BIN1: variants seen among roughly 807,000 people sequenced by gnomAD.
BIN1 encodes myc box-dependent-interacting protein 1.
A neutral mutation model predicts 82.0 loss-of-function variants in BIN1; 53 were observed. That is an observed-to-expected ratio of 0.65 (90% CI 0.52 to 0.81). The LOEUF is 0.81. BIN1 is among the 40% of genes least tolerant of loss of function. The probability of loss-of-function intolerance (pLI) is 0.00; values close to 1 mark genes in which losing one functional copy is unlikely to be tolerated. For synonymous variants in BIN1, 302 were observed against 328.0 expected, an observed-to-expected ratio of 0.92 and a Z score of 0.86; for missense variants, 642 against 784.4, an observed-to-expected ratio of 0.82 and a Z score of 2.17.
chr2:127,081,164 G>A (rs962300285), intron 1 of BIN1, among the ~76,000 whole-genome samples: 3 of 152,180 alleles, frequency 2.0e-5, no homozygotes, highest in Admixed American at 6.5e-5. Flanking sequence ...GGCAGTGCAC[G>A]GCCACCGAAC....
At chr2:127,105,986 C>A (rs1257992316) in intron 1 of BIN1, among the ~76,000 whole-genome samples, 1 of 152,376 alleles carries the variant, frequency 6.6e-6, no homozygotes, top group East Asian at 1.9e-4. Context: ...CGGGTGCAGA[C>A]CCCCGCCCCT....
chr2:127,048,444 GAAAAC>G lies in BIN1; in HGVS notation c.*77_*81del. On this transcript the variant is annotated 3_prime_UTR_variant, in exon 19 of 19. Transcript: ENST00000316724. Reference sequence around the variant, plus strand: ...CTTTGCTCTTCAAAAGATGAAAAACGAAAACAAAACAAAAAAAAGAACCACACATT... The same window carrying G: ...CTTTGCTCTTCAAAAGATGAAAAACGAAAACAAAAAAAAGAACCACACATT... The G allele has an allele frequency of 7.2e-7, 1 of 1,384,960 alleles. No homozygotes were observed. Among genetic ancestry groups the G allele is most frequent in the Non-Finnish European group, 1.0e-6 (1 of 978,088 alleles). The allele number at this position is 1,384,960 out of a possible 1,614,324, so 85.8% of individuals were successfully genotyped here. A position where few individuals can be genotyped will look rare whatever the true frequency, so the allele number is the denominator to read the frequency against.
At chr2:127,081,864 C>T in intron 1 of BIN1, 1 of 1,287,490 alleles carries the variant, frequency 7.8e-7, no homozygotes, top group Non-Finnish European at 1.0e-6. Context: ...CCTGCCTGCA[C>T]AGGAAGGGCG....
rs1685336812 is a variant in BIN1, at chr2:127,067,794, A to G, written c.612+369T>C. ...AGAGTTGTCATGTGGCTTGAAGGAC[A>G]GGCATGGCAGTACAGGGGCCTGATG... is the stretch of plus-strand genomic sequence containing the variant. On this transcript the variant is annotated intron_variant, in intron 7 of 18. Coordinates refer to ENST00000316724, the MANE Select transcript of BIN1 (RefSeq NM_139343.3). This position sits in a 1 kb window ranked among gnomAD's most constrained non-coding sequence, Gnocchi z 4.7. Among the ~76,000 whole-genome samples, 2 of 152,192 alleles carry G rather than the reference A, an allele frequency of 1.3e-5. No individual in the cohort carries two copies. The highest frequency in any genetic ancestry group is 1.5e-5 in the Non-Finnish European group (1 of 68,030).
intron 1 of BIN1, among the ~76,000 whole-genome samples, chr2:127,083,078 CTTTTTTTTT>C (rs112344101): frequency 7.0e-6 from 1 of 142,876 alleles, no homozygotes; most frequent in Non-Finnish European, 1.5e-5. Flanking sequence ...TTGCTTTTTT[CTTTTTTTTT>C]TTTTCTTTTT....
At chr2:127,069,470 G>A (rs563970430) in intron 5 of BIN1, among the ~76,000 whole-genome samples, 9 of 152,226 alleles carry the variant, frequency 5.9e-5, no homozygotes, top group South Asian at 2.1e-4. Context: ...GCACGTTACC[G>A]GGGACCACTC....
chr2:127,095,704 G>A (rs1363544933), intron 1 of BIN1, among the ~76,000 whole-genome samples: 1 of 152,236 alleles, frequency 6.6e-6, no homozygotes, highest in South Asian at 2.1e-4. Flanking sequence ...CAAGAGGAAG[G>A]GAATCCCAGA....
rs575178292 is a variant in BIN1 at position 127,054,247 on chromosome 2, C to T, written c.1132-235G>A. 8.0e-4 allele frequency: 452 copies of T among 567,298 alleles called. 4 individuals carry two copies. In the South Asian group the frequency reaches 8.4e-3, roughly 11 times the overall value. 35.1% of individuals were successfully genotyped at this position (567,298 alleles called of 1,614,324 possible). The stretch of plus-strand genomic sequence containing the variant: ...AGCCACGCGCCCCGGCACAGGCTCC[C>T]GCCCACACCAGGAGGACGACCCCAG... On this transcript the variant is annotated intron_variant, in intron 12 of 18. Coordinates refer to ENST00000316724, the MANE Select transcript of BIN1 (RefSeq NM_139343.3).
At chr2:127,098,372 C>T (rs1429794801) in intron 1 of BIN1, among the ~76,000 whole-genome samples, 1 of 152,140 alleles carries the variant, frequency 6.6e-6, no homozygotes, top group Non-Finnish European at 1.5e-5. Context: ...CGTAACAATC[C>T]GGGCTCAGCC....
rs1167444029 is a variant in BIN1, at chr2:127,051,294, G to A, written c.1372-51C>T. On this transcript the variant is annotated intron_variant, in intron 15 of 18. Coordinates refer to ENST00000316724, the MANE Select transcript of BIN1 (RefSeq NM_139343.3). Reference sequence around the variant, plus strand: ...TCAGACACAGGACAGGACACAGCCAGGACACAGGAAACAGGCCACAGGAGG... The same window carrying A: ...TCAGACACAGGACAGGACACAGCCAAGACACAGGAAACAGGCCACAGGAGG... 3 of 1,593,924 alleles carry A rather than the reference G, an allele frequency of 1.9e-6. No homozygotes were observed. In the East Asian group the frequency reaches 6.7e-5, roughly 36 times the overall value.
chr2:127,087,336 AGAGAAC>A (rs1368568070), intron 1 of BIN1, among the ~76,000 whole-genome samples: 1 of 152,182 alleles, frequency 6.6e-6, no homozygotes, highest in Non-Finnish European at 1.5e-5. Context: ...CTCCCGCCCC[AGAGAAC>A]GAGTGTCCAG....
chr2:127,059,167 G>T lies in BIN1; in HGVS notation c.858-12C>A, dbSNP rs6720741. 302,272 of 1,564,704 alleles carry T rather than the reference G, an allele frequency of 0.19. 29,872 individuals carry two copies. Among genetic ancestry groups the T allele is most frequent in the African/African-American group, 0.25 (18,311 of 73,778 alleles). ...CAGGCGCGTTGTCACTGTGGGGGAG[G>T]ACAAGAAAGGGAGCCCAGTGTTGGG... On this transcript the variant is annotated splice_polypyrimidine_tract_variant and intron_variant, in intron 10 of 18. Transcript: ENST00000316724. The surrounding 1 kb of genome is among the most constrained non-coding windows in gnomAD (Gnocchi z 6.7).
At chr2:127,076,781 C>G in intron 1 of BIN1, 75 bp from the exon 2 acceptor site, 1 of 1,531,000 alleles carries the variant, frequency 6.5e-7, no homozygotes. Context: ...GCTCAGTCAC[C>G]AACAGCACAG....
chr2:127,067,719 A>T lies in BIN1; in HGVS notation c.612+444T>A, dbSNP rs547677687. On this transcript the variant is annotated intron_variant, in intron 7 of 18. Transcript: ENST00000316724. This position sits in a 1 kb window ranked among gnomAD's most constrained non-coding sequence, Gnocchi z 4.7. ...TCTGGGGCCCTGGGAGGAGGCTGTG[A>T]TGTGCCTCTCTGGGCAGCTTTCTCT... is the stretch of plus-strand genomic sequence containing the variant. Among the ~76,000 whole-genome samples the T allele has an allele frequency of 1.3e-5, 2 of 152,264 alleles. No individual in the cohort carries two copies. Among genetic ancestry groups the T allele is most frequent in the East Asian group, 3.9e-4 (2 of 5,178 alleles).
intron 10 of BIN1, chr2:127,060,579 G>A (rs1480107986): frequency 2.5e-5 from 41 of 1,613,968 alleles, no homozygotes; most frequent in Non-Finnish European, 3.5e-5. Flanking sequence ...CCCCTCCGCA[G>A]CACTCACTGC....
In BIN1 at chr2:127,068,142, A is replaced by C. The variant is rs746286823; in HGVS notation, c.612+21T>G. The C allele has an allele frequency of 4.2e-5, 67 of 1,609,712 alleles. 1 individual carries two copies. In the Admixed American group the frequency reaches 1.1e-3, roughly 27 times the overall value. On this transcript the variant is annotated intron_variant, in intron 7 of 18. Transcript: ENST00000316724. This position sits in a 1 kb window ranked among gnomAD's most constrained non-coding sequence, Gnocchi z 4.9. ...CAGACCGGAAGGCGCCAGCACGTGC[A>C]AGGTTAGAAGCCAGTGTCACCTGAT...
chr2:127,058,634 A>C (rs1197110621), intron 11 of BIN1, among the ~76,000 whole-genome samples: 2 of 152,236 alleles, frequency 1.3e-5, no homozygotes, highest in East Asian at 3.9e-4. Context: ...GAGAGAGGCC[A>C]GGAAGAGGGA....
intron 10 of BIN1, among the ~76,000 whole-genome samples, chr2:127,060,165 G>A (rs1481335885): frequency 6.6e-6 from 1 of 152,090 alleles, no homozygotes; most frequent in Non-Finnish European, 1.5e-5. Context: ...CTTTCCTTCT[G>A]GAATTTGTGT....
At chr2:127,056,690 G>A (rs1001398136) in intron 12 of BIN1, among the ~76,000 whole-genome samples, 1 of 152,238 alleles carries the variant, frequency 6.6e-6, no homozygotes, top group Middle Eastern at 3.2e-3. Context: ...ACTTGAGGAG[G>A]CAGTCAGCTC....
Sources: allele counts gnomAD v4.1 joint callset (sites outside exome capture counted in the v4.1 genomes callset), GRCh38; gene constraint gnomAD v4.1.1; non-coding constraint Gnocchi (gnomAD v3.1); transcripts MANE v1.5; gene names NCBI Gene and HGNC (gene_info 2026-07-23, HGNC 2026-07-21).